CFAP20DC: variants seen among roughly 807,000 people sequenced by gnomAD.
The protein encoded by CFAP20DC is CFAP20 domain containing, also known as protein CFAP20DC.
Under a neutral mutation model 101.7 loss-of-function variants are expected in CFAP20DC, and 84 were observed. That is an observed-to-expected ratio of 0.83 (90% CI 0.69 to 0.99). The LOEUF is 0.99. Among genes scored for constraint, CFAP20DC ranks in the 50% least tolerant of loss-of-function variants. CFAP20DC has a pLI of 0.00. For missense variants in CFAP20DC, 1,007 were observed against 970.3 expected, an observed-to-expected ratio of 1.04 and a Z score of -0.50; for synonymous variants, 359 against 351.2, an observed-to-expected ratio of 1.02 and a Z score of -0.25.
chr3:58,920,739 T>G (rs1576311599), intron 5 of CFAP20DC, among the ~76,000 whole-genome samples: 1 of 152,170 alleles, frequency 6.6e-6, no homozygotes, highest in East Asian at 1.9e-4. Context: ...GGGATACTGA[T>G]TTATAGCTCT....
At chr3:58,816,310 G>A (rs1034026031) in intron 14 of CFAP20DC, among the ~76,000 whole-genome samples, 3 of 152,162 alleles carry the variant, frequency 2.0e-5, no homozygotes, top group Non-Finnish European at 4.4e-5. Flanking sequence ...AATAGGAACA[G>A]CTCTGGTCTA....
Position 58,897,889 on chromosome 3 carries a change from G to A in CFAP20DC, c.551-13180C>T, listed in dbSNP as rs1221992126. Among the ~76,000 whole-genome samples, 2 of 152,080 alleles carry A rather than the reference G, an allele frequency of 1.3e-5. No individual in the cohort carries two copies. ...GATCGTCTCATGGAGTATCTTATTG[G>A]GGTTGTCTGCATTTCCTGAATTTAA... On this transcript the variant is annotated intron_variant, in intron 6 of 16. Transcript: ENST00000482387. The surrounding 1 kb of genome is among the most constrained non-coding windows in gnomAD (Gnocchi z 4.4).
intron 3 of CFAP20DC, among the ~76,000 whole-genome samples, chr3:59,039,968 C>T (rs760945401): frequency 9.9e-5 from 15 of 151,902 alleles, no homozygotes; most frequent in Non-Finnish European, 1.9e-4. Flanking sequence ...TAAAATTGAA[C>T]TATAAATTCC....
At chr3:58,841,908 T>A (rs2077144151) in intron 13 of CFAP20DC, among the ~76,000 whole-genome samples, 1 of 152,210 alleles carries the variant, frequency 6.6e-6, no homozygotes, top group Non-Finnish European at 1.5e-5. Context: ...ATAATGACAT[T>A]TGCCAGTTTA....
At position 58,722,987 on chromosome 3, in the gene CFAP20DC, T is replaced by A. The variant is rs546519539; in HGVS notation, c.198-5359A>T. On this transcript the variant is annotated intron_variant, in intron 3 of 3. Coordinates refer to the CFAP20DC transcript ENST00000486145. This position sits in a 1 kb window ranked among gnomAD's most constrained non-coding sequence, Gnocchi z 4.5. ...AGGTTTCTCAAACAGTCGAAATCCC[T>A]GACAACCATGCTGGTGAGCAACCTA... is the stretch of plus-strand genomic sequence containing the variant. Among the ~76,000 whole-genome samples the A allele has an allele frequency of 5.3e-5, 8 of 152,374 alleles. 1 individual carries two copies. The South Asian group carries it at 1.7e-3, about 32-fold the overall frequency.
chr3:58,792,205 C>T (rs1237776732), intron 15 of CFAP20DC, among the ~76,000 whole-genome samples: 1 of 152,152 alleles, frequency 6.6e-6, no homozygotes, highest in Non-Finnish European at 1.5e-5. Flanking sequence ...TAAAGTTCTT[C>T]ACTGTATATG....
chr3:58,842,549 G>A (rs1053476871), intron 13 of CFAP20DC, among the ~76,000 whole-genome samples: 1 of 152,078 alleles, frequency 6.6e-6, no homozygotes, highest in East Asian at 1.9e-4. Flanking sequence ...TAGCACAGCA[G>A]TCTGAGATCA....
chr3:59,049,729 A>C lies in CFAP20DC; in HGVS notation c.-98T>G, dbSNP rs1700163204. On this transcript the variant is annotated 5_prime_UTR_variant, in exon 1 of 17. Coordinates refer to ENST00000482387, the MANE Select transcript of CFAP20DC (RefSeq NM_001394063.1). The stretch of plus-strand genomic sequence containing the variant: ...GGAAATCGGCTGGCGGGAACCCAGG[A>C]GCCCGACGGGTGGGAAAGGGCTTCG... 6 of 1,439,168 alleles carry C rather than the reference A, an allele frequency of 4.2e-6. No individual in the cohort carries two copies. The South Asian group carries it at 7.9e-5, about 19-fold the overall frequency. 89.1% of individuals were successfully genotyped at this position (1,439,168 alleles called of 1,614,324 possible). A position where few individuals can be genotyped will look rare whatever the true frequency, so the allele number is the denominator to read the frequency against.
intron 4 of CFAP20DC, among the ~76,000 whole-genome samples, chr3:58,999,531 C>T (rs545485128): frequency 2.8e-4 from 42 of 152,188 alleles, no homozygotes; most frequent in African/African-American, 1.0e-3. Context: ...CCTGGGACAA[C>T]TAATACCATA....
chr3:58,773,194 T>C (rs60218358), intron 15 of CFAP20DC, among the ~76,000 whole-genome samples: 8,394 of 151,310 alleles, frequency 0.055, 516 homozygotes, highest in East Asian at 0.35. Flanking sequence ...GAGAGTGAAG[T>C]GGGTTTTCTT....
At chr3:58,909,612 C>G (rs762882663) in intron 6 of CFAP20DC, among the ~76,000 whole-genome samples, 1 of 152,176 alleles carries the variant, frequency 6.6e-6, no homozygotes, top group Middle Eastern at 3.4e-3. Context: ...GGACAGTCTG[C>G]CTATAGATGT....
intron 4 of CFAP20DC, among the ~76,000 whole-genome samples, chr3:59,013,639 A>G (rs2093632753): frequency 6.6e-6 from 1 of 152,172 alleles, no homozygotes; most frequent in African/African-American, 2.4e-5. Context: ...ACACCTGCAC[A>G]TATTCAATAT....
At chr3:58,782,081 A>C (rs1250206973) in intron 15 of CFAP20DC, among the ~76,000 whole-genome samples, 1 of 152,070 alleles carries the variant, frequency 6.6e-6, no homozygotes, top group Non-Finnish European at 1.5e-5. Context: ...ATATACAAAG[A>C]TCAAGCGGGA....
At chr3:58,758,952 G>C (rs560548291) in intron 15 of CFAP20DC, among the ~76,000 whole-genome samples, 187 of 152,228 alleles carry the variant, frequency 1.2e-3, no homozygotes, top group African/African-American at 4.2e-3. Context: ...GGACATTTGG[G>C]TTGGTTCCAA....
chr3:58,800,685 T>C (rs1483608373), intron 15 of CFAP20DC, among the ~76,000 whole-genome samples: 2 of 152,170 alleles, frequency 1.3e-5, no homozygotes, highest in Non-Finnish European at 1.5e-5. Flanking sequence ...ATTCCAAATG[T>C]TACCAGTGCC....
chr3:58,997,258 T>C (rs1284787262), intron 4 of CFAP20DC, among the ~76,000 whole-genome samples: 1 of 152,200 alleles, frequency 6.6e-6, no homozygotes. Flanking sequence ...ATTAAAAAAC[T>C]TGTGAAATAA....
At chr3:58,949,547 T>C (rs965832184) in intron 4 of CFAP20DC, among the ~76,000 whole-genome samples, 3 of 152,180 alleles carry the variant, frequency 2.0e-5, no homozygotes, top group African/African-American at 7.2e-5. Flanking sequence ...ATGTATCCAG[T>C]AGTCATTCAG....
At position 58,868,852 on chromosome 3, in the gene CFAP20DC, C is replaced by T. The variant is rs1353313243; in HGVS notation, c.1015+476G>A. On this transcript the variant is annotated intron_variant, in intron 9 of 16. Transcript: ENST00000482387. This position sits in a 1 kb window ranked among gnomAD's most constrained non-coding sequence, Gnocchi z 4.6. ...TTTCTAAAGGTTACAAACTGCAAAT[C>T]ACTTTACCTCTTTGCTTGACTTTAA... Among the ~76,000 whole-genome samples the T allele has an allele frequency of 6.6e-6, 1 of 152,186 alleles. No individual in the cohort carries two copies. The highest frequency in any genetic ancestry group is 6.5e-5 in the Admixed American group (1 of 15,274).
chr3:58,735,626 C>T lies in CFAP20DC; in HGVS notation c.198-17998G>A, dbSNP rs9839053. Reference sequence around the variant, plus strand: ...ATCACTTGGGGGAGCTTTTATATATCATGATGCCCAGGCCACAGCTCAGGC... The same window carrying T: ...ATCACTTGGGGGAGCTTTTATATATTATGATGCCCAGGCCACAGCTCAGGC... On this transcript the variant is annotated intron_variant, in intron 3 of 3. Coordinates refer to the CFAP20DC transcript ENST00000486145. Among the ~76,000 whole-genome samples, 1,508 of 152,282 alleles carry T rather than the reference C, an allele frequency of 9.9e-3. 23 individuals are homozygous for T. Among genetic ancestry groups the T allele is most frequent in the African/African-American group, 0.035 (1,457 of 41,558 alleles).
Sources: gnomAD v4.1 joint callset for allele counts (sites outside exome capture counted in the v4.1 genomes callset) on GRCh38, gnomAD v4.1.1 for gene constraint, Gnocchi (gnomAD v3.1) non-coding constraint, MANE v1.5 for transcripts, NCBI Gene and HGNC (gene_info 2026-07-23, HGNC 2026-07-21) for gene names.